Variants in CRTC1 observed in about 807,000 individuals in gnomAD.
The protein encoded by CRTC1 is CREB regulated transcription coactivator 1, also known as CREB-regulated transcription coactivator 1.
In CRTC1, 18 loss-of-function variants were observed where a neutral mutation model predicts 66.1. The observed-to-expected ratio is 0.27, with a 90% CI of 0.19 to 0.40. CRTC1 has a LOEUF of 0.40. Ranked by LOEUF, CRTC1 falls within the 10% of genes least tolerant of loss-of-function variation. The pLI, the probability that CRTC1 is intolerant of heterozygous loss-of-function variation, is 1.00. For synonymous variants in CRTC1, 416 were observed against 398.8 expected, an observed-to-expected ratio of 1.04 and a Z score of -0.51; for missense variants, 669 against 887.9, an observed-to-expected ratio of 0.75 and a Z score of 3.13.
chr19:18,737,804 G>A (rs1484485341), intron 1 of CRTC1, among the ~76,000 whole-genome samples: 2 of 147,166 alleles, frequency 1.4e-5, no homozygotes, highest in Non-Finnish European at 3.0e-5. Context: ...CGTGAAGGAC[G>A]GTGAGGACAA....
chr19:18,714,194 A>G (rs1450872479), intron 1 of CRTC1, among the ~76,000 whole-genome samples: 2 of 152,150 alleles, frequency 1.3e-5, no homozygotes, highest in African/African-American at 4.8e-5. Context: ...CAGGAATCAG[A>G]ATAGCTCCAT....
At chr19:18,767,790 C>T (rs929398019) in intron 9 of CRTC1, among the ~76,000 whole-genome samples, 1 of 152,220 alleles carries the variant, frequency 6.6e-6, no homozygotes, top group Non-Finnish European at 1.5e-5. Flanking sequence ...AAATGACCCA[C>T]TGGTCCTCAG....
At chr19:18,722,723 A>T (rs1174938256) in intron 1 of CRTC1, among the ~76,000 whole-genome samples, 1 of 152,096 alleles carries the variant, frequency 6.6e-6, no homozygotes, top group Non-Finnish European at 1.5e-5. Flanking sequence ...CTGCGCCCAG[A>T]ACATTTCCAT....
chr19:18,774,890 C>G lies in CRTC1; in HGVS notation c.1426-10C>G. The G allele has an allele frequency of 6.2e-7, 1 of 1,610,382 alleles. No homozygotes were observed. Among genetic ancestry groups the G allele is most frequent in the South Asian group, 1.1e-5 (1 of 91,082 alleles). On this transcript the variant is annotated splice_polypyrimidine_tract_variant and intron_variant, in intron 11 of 13. Transcript: ENST00000321949. ...GCCGTGACCACAGCAGGCCTCTCTT[C>G]TGTCTGCAGCACACTTCCACCCTGG...
chr19:18,777,134 G>A lies in CRTC1; in HGVS notation c.1694-37G>A. On this transcript the variant is annotated intron_variant, in intron 13 of 13. Coordinates refer to ENST00000321949, the MANE Select transcript of CRTC1 (RefSeq NM_015321.3). The surrounding 1 kb of genome is among the most constrained non-coding windows in gnomAD (Gnocchi z 5.5). The stretch of plus-strand genomic sequence containing the variant: ...CATGGATGCGAGCGATGGAGCCAGG[G>A]CTAAGCAGTGCCTTTTGTCCCCACC... 1 of 1,190,196 alleles carries A rather than the reference G, an allele frequency of 8.4e-7. No homozygotes were observed. Among genetic ancestry groups the A allele is most frequent in the Non-Finnish European group, 1.2e-6 (1 of 804,102 alleles). The allele number at this position is 1,190,196 out of a possible 1,614,324, so 73.7% of individuals were successfully genotyped here. A position where few individuals can be genotyped will look rare whatever the true frequency, so the allele number is the denominator to read the frequency against.
intron 10 of CRTC1, among the ~76,000 whole-genome samples, chr19:18,769,479 G>C (rs539547022): frequency 6.6e-6 from 1 of 152,242 alleles, no homozygotes; most frequent in East Asian, 1.9e-4. Context: ...CCAGCCCCAG[G>C]CTAAATGTCC....
At chr19:18,759,948 T>TGCC in intron 7 of CRTC1, 60 bp from the exon 8 acceptor site, 1 of 1,328,594 alleles carries the variant, frequency 7.5e-7, no homozygotes. Context: ...CAGCCCCCTG[T>TGCC]CCCCGCCGCC....
rs772004114 is a variant in CRTC1 at position 18,777,507 on chromosome 19, C to A, written c.*125C>A. 28 of 927,178 alleles carry A rather than the reference C, an allele frequency of 3.0e-5. No individual in the cohort carries two copies. Among genetic ancestry groups the A allele is most frequent in the Non-Finnish European group, 4.4e-5 (26 of 594,158 alleles). 57.4% of individuals were successfully genotyped at this position (927,178 alleles called of 1,614,324 possible). ...TCTGAGCTTGCAATGCCGCCAAGCG[C>A]CCCCCGCCAGCCCGCCCCCGGTTGT... On this transcript the variant is annotated 3_prime_UTR_variant, in exon 14 of 14. Coordinates refer to ENST00000321949, the MANE Select transcript of CRTC1 (RefSeq NM_015321.3). The surrounding 1 kb of genome is among the most constrained non-coding windows in gnomAD (Gnocchi z 5.5).
chr19:18,736,750 C>A (rs772044057), intron 1 of CRTC1, among the ~76,000 whole-genome samples: 6 of 152,138 alleles, frequency 3.9e-5, no homozygotes, highest in Non-Finnish European at 8.8e-5. Context: ...GACAGCACTT[C>A]CCTCCCTGGC....
chr19:18,770,745 TTGTGTGGG>T (rs897189576), intron 10 of CRTC1, among the ~76,000 whole-genome samples: 2 of 150,412 alleles, frequency 1.3e-5, no homozygotes, highest in African/African-American at 4.9e-5. Flanking sequence ...ATATGTGTGC[TTGTGTGGG>T]TGTGTGCACA....
Position 18,741,017 on chromosome 19 carries a change from A to AAAC in CRTC1, c.127-1878_127-1876dup, listed in dbSNP as rs561422693. Among the ~76,000 whole-genome samples the AAAC allele has an allele frequency of 1.2e-4, 18 of 152,262 alleles. No homozygotes were observed. The highest frequency in any genetic ancestry group is 3.9e-4 in the East Asian group (2 of 5,174). ...GAGACTCCATCTCAAAAAAACAAAC[A>AAAC]AACAACAACAACAACAAAAAAGAAA... On this transcript the variant is annotated intron_variant, in intron 1 of 13. Coordinates refer to ENST00000321949, the MANE Select transcript of CRTC1 (RefSeq NM_015321.3). This position sits in a 1 kb window ranked among gnomAD's most constrained non-coding sequence, Gnocchi z 4.2.
chr19:18,689,933 G>T (rs879819333), intron 1 of CRTC1, among the ~76,000 whole-genome samples: 1 of 151,964 alleles, frequency 6.6e-6, no homozygotes, highest in Non-Finnish European at 1.5e-5. Context: ...GATAGCTGTG[G>T]CTGTGAGTGG....
Position 18,782,224 on chromosome 19 carries a change from C to T in CRTC1, c.*4842C>T, listed in dbSNP as rs1336715937. On this transcript the variant is annotated 3_prime_UTR_variant, in exon 14 of 14. Coordinates refer to ENST00000321949, the MANE Select transcript of CRTC1 (RefSeq NM_015321.3). Reference sequence around the variant, plus strand: ...GGCCGCAGCGGGCGGGGGCAGGCGGCTCAGGGCACACTCGGCCGTCCCTGC... The same window carrying T: ...GGCCGCAGCGGGCGGGGGCAGGCGGTTCAGGGCACACTCGGCCGTCCCTGC... The T allele has an allele frequency of 4.4e-6, 1 of 226,618 alleles. No homozygotes were observed. The highest frequency in any genetic ancestry group is 2.2e-5 in the African/African-American group (1 of 44,712). 14.0% of individuals were successfully genotyped at this position (226,618 alleles called of 1,614,324 possible).
At chr19:18,707,909 C>T (rs1448422682) in intron 1 of CRTC1, among the ~76,000 whole-genome samples, 1 of 152,254 alleles carries the variant, frequency 6.6e-6, no homozygotes, top group Non-Finnish European at 1.5e-5. Flanking sequence ...ATAATTGGCC[C>T]CTGCCTCAGT....
In CRTC1 at chr19:18,775,769, G is replaced by A. The variant is rs777830005; in HGVS notation, c.1641G>A (p.Ser547=). The change falls in exon 13 of 14, where the codon TCG becomes TCA. Residue 547 remains serine, a synonymous_variant. Transcript: ENST00000321949. ...LTGSHGSLPD[S]QQLGYASHSG... ...GCAGCCACGGGAGCCTGCCGGACTCGCAGCAACTGGGATACGCCAGCCACA... is the reference window on the plus strand; with the variant it reads ...GCAGCCACGGGAGCCTGCCGGACTCACAGCAACTGGGATACGCCAGCCACA... 1.6e-5 allele frequency: 26 copies of A among 1,610,972 alleles called. No homozygotes were observed. Among genetic ancestry groups the A allele is most frequent in the African/African-American group, 4.0e-5 (3 of 74,878 alleles).
Position 18,726,155 on chromosome 19 carries a change from GC to G in CRTC1, c.127-16754del, listed in dbSNP as rs2053747237. Among the ~76,000 whole-genome samples, 3 of 152,260 alleles carry G rather than the reference GC, an allele frequency of 2.0e-5. No individual in the cohort carries two copies. In the South Asian group the frequency reaches 6.2e-4, roughly 31 times the overall value. Reference sequence around the variant, plus strand: ...GTTCTGGATGATTTCCCTCAGGAGAGCTTCCCAGAAGTGGGATTACCAGGTT... The same window carrying G: ...GTTCTGGATGATTTCCCTCAGGAGAGTTCCCAGAAGTGGGATTACCAGGTT... On this transcript the variant is annotated intron_variant, in intron 1 of 13. Coordinates refer to ENST00000321949, the MANE Select transcript of CRTC1 (RefSeq NM_015321.3).
intron 6 of CRTC1, among the ~76,000 whole-genome samples, chr19:18,758,105 G>T (rs1011343275): frequency 1.3e-4 from 19 of 151,708 alleles, no homozygotes; most frequent in African/African-American, 4.4e-4. Flanking sequence ...GCTCATGCCT[G>T]TAATCCCAGC....
intron 6 of CRTC1, 101 bp downstream of exon 6, chr19:18,753,686 T>C: frequency 1.3e-6 from 1 of 774,646 alleles, no homozygotes; most frequent in Non-Finnish European, 2.2e-6. Flanking sequence ...GGCTTCACCT[T>C]CCCAAGACAG....
intron 1 of CRTC1, 101 bp from the exon 2 acceptor site, chr19:18,742,809 G>A: frequency 2.4e-6 from 2 of 834,224 alleles, no homozygotes; most frequent in Non-Finnish European, 2.0e-6. Flanking sequence ...CACTTAGGCT[G>A]TCAATCCCAC....
Sources: allele counts gnomAD v4.1 joint callset (sites outside exome capture counted in the v4.1 genomes callset), GRCh38; gene constraint gnomAD v4.1.1; non-coding constraint Gnocchi (gnomAD v3.1); transcripts MANE v1.5; gene names NCBI Gene and HGNC (gene_info 2026-07-23, HGNC 2026-07-21).